The following CNTNAP4 variants were observed in gnomAD, a reference collection of about 807,000 sequenced individuals.
CNTNAP4 encodes contactin associated protein family member 4, also known as contactin-associated protein-like 4.
Under a neutral mutation model 148.4 loss-of-function variants are expected in CNTNAP4, and 98 were observed. That is an observed-to-expected ratio of 0.66 (90% CI 0.56 to 0.78). The LOEUF is 0.78. Among genes scored for constraint, CNTNAP4 ranks in the 30% least tolerant of loss-of-function variants. The pLI is 0.00. For missense variants in CNTNAP4, 1,935 were observed against 1,565.6 expected, an observed-to-expected ratio of 1.24 and a Z score of -3.98; for synonymous variants, 730 against 565.1, an observed-to-expected ratio of 1.29 and a Z score of -4.14.
At chr16:76,408,047 A>G (rs2078659610) in intron 3 of CNTNAP4, among the ~76,000 whole-genome samples, 3 of 151,570 alleles carry the variant, frequency 2.0e-5, no homozygotes. Flanking sequence ...GAAGACTGAG[A>G]TTATGATTAG....
At chr16:76,304,840 AT>A (rs1447840651) in intron 1 of CNTNAP4, among the ~76,000 whole-genome samples, 5 of 152,330 alleles carry the variant, frequency 3.3e-5, no homozygotes, top group Admixed American at 1.3e-4. Context: ...GAGGATGTCC[AT>A]ATCTTAATCC....
intron 1 of CNTNAP4, among the ~76,000 whole-genome samples, chr16:76,290,900 C>T (rs976175272): frequency 6.6e-6 from 1 of 152,176 alleles, no homozygotes; most frequent in Non-Finnish European, 1.5e-5. Context: ...GTAGCCTCTC[C>T]TCCTGACTTG....
intron 1 of CNTNAP4, among the ~76,000 whole-genome samples, chr16:76,313,929 G>A (rs1394254705): frequency 6.6e-6 from 1 of 151,956 alleles, no homozygotes; most frequent in African/African-American, 2.4e-5. Flanking sequence ...TGCAAAAATG[G>A]GAACAACTTA....
chr16:76,440,317 T>C (rs1383947584), intron 4 of CNTNAP4, among the ~76,000 whole-genome samples: 1 of 152,156 alleles, frequency 6.6e-6, no homozygotes, highest in East Asian at 1.9e-4. Context: ...ATTTAAAAAT[T>C]GATTTTCTAA....
chr16:76,494,860 A>G (rs1382997093), intron 13 of CNTNAP4, 50 bp from the exon 14 acceptor site: 1 of 1,542,276 alleles, frequency 6.5e-7, no homozygotes, highest in Admixed American at 1.8e-5. Flanking sequence ...TTGGGAGAGA[A>G]GGTGGTGGAA....
At chr16:76,404,108 G>T (rs7189200) in intron 3 of CNTNAP4, among the ~76,000 whole-genome samples, 1 of 151,682 alleles carries the variant, frequency 6.6e-6, no homozygotes, top group Non-Finnish European at 1.5e-5. Context: ...GGCGTAATAC[G>T]TGGGTAACAA....
At chr16:76,331,035 T>A (rs1426011364) in intron 2 of CNTNAP4, among the ~76,000 whole-genome samples, 3 of 152,190 alleles carry the variant, frequency 2.0e-5, no homozygotes, top group Non-Finnish European at 2.9e-5. Context: ...AATTAACCAT[T>A]GTAAAGTATA....
chr16:76,492,763 C>T (rs1421443378), intron 13 of CNTNAP4, among the ~76,000 whole-genome samples: 1 of 148,230 alleles, frequency 6.7e-6, no homozygotes, highest in Non-Finnish European at 1.5e-5. Context: ...TTTGCCCTTC[C>T]TTGCCTTCTG....
chr16:76,302,809 A>T (rs1237943281), intron 1 of CNTNAP4, among the ~76,000 whole-genome samples: 2 of 142,128 alleles, frequency 1.4e-5, no homozygotes. Context: ...AATTCTGTCC[A>T]CTGAGGGGCT....
At chr16:76,281,351 C>T (rs1958681210) in intron 1 of CNTNAP4, among the ~76,000 whole-genome samples, 1 of 152,198 alleles carries the variant, frequency 6.6e-6, no homozygotes. Context: ...TCAGCACGTA[C>T]TTTGACTCAC....
intron 3 of CNTNAP4, among the ~76,000 whole-genome samples, chr16:76,412,623 C>G (rs2144927439): frequency 6.6e-6 from 1 of 151,382 alleles, no homozygotes; most frequent in East Asian, 1.9e-4. Context: ...TGTCCAATGT[C>G]TAATAAGATT....
At chr16:76,499,952 T>A (rs1373604653) in intron 15 of CNTNAP4, among the ~76,000 whole-genome samples, 1 of 152,144 alleles carries the variant, frequency 6.6e-6, no homozygotes, top group Non-Finnish European at 1.5e-5. Flanking sequence ...CTCCTATGTC[T>A]ACTTCTTTCT....
intron 4 of CNTNAP4, among the ~76,000 whole-genome samples, chr16:76,431,574 G>T (rs1207745099): frequency 1.3e-5 from 2 of 152,156 alleles, no homozygotes; most frequent in Non-Finnish European, 2.9e-5. Flanking sequence ...AGCTACTTGG[G>T]AGGCTGAGAC....
chr16:76,304,203 A>G (rs1484040722), intron 1 of CNTNAP4, among the ~76,000 whole-genome samples: 2 of 152,148 alleles, frequency 1.3e-5, no homozygotes, highest in African/African-American at 2.4e-5. Context: ...TTTAAATAAA[A>G]TGCCTAAGAT....
At chr16:76,414,686 T>C (rs1198300889) in intron 3 of CNTNAP4, among the ~76,000 whole-genome samples, 1 of 151,406 alleles carries the variant, frequency 6.6e-6, no homozygotes, top group Non-Finnish European at 1.5e-5. Context: ...TTTACAATTA[T>C]GCATGTAATC....
intron 3 of CNTNAP4, among the ~76,000 whole-genome samples, chr16:76,383,853 T>C (rs1431965141): frequency 6.6e-6 from 1 of 152,218 alleles, no homozygotes; most frequent in Non-Finnish European, 1.5e-5. Flanking sequence ...AAATTGGTCC[T>C]GAGTTCGTCT....
chr16:76,445,199 C>T (rs1475810362), intron 4 of CNTNAP4, among the ~76,000 whole-genome samples: 1 of 152,104 alleles, frequency 6.6e-6, no homozygotes, highest in Non-Finnish European at 1.5e-5. Context: ...CTCCCTTTGC[C>T]TCCTGTTTCT....
intron 2 of CNTNAP4, among the ~76,000 whole-genome samples, chr16:76,335,508 T>C (rs1039400652): frequency 2.0e-5 from 3 of 151,974 alleles, no homozygotes; most frequent in Non-Finnish European, 4.4e-5. Flanking sequence ...AAGGAGAGTT[T>C]GGAAAGGAAG....
At position 76,339,854 on chromosome 16, in the gene CNTNAP4, C is replaced by T. The variant is rs539640824; in HGVS notation, c.197-15464C>T. Among the ~76,000 whole-genome samples the T allele has an allele frequency of 3.3e-5, 5 of 152,280 alleles. No individual in the cohort carries two copies. In the East Asian group the frequency reaches 9.6e-4, roughly 29 times the overall value. On this transcript the variant is annotated intron_variant, in intron 2 of 23. Coordinates refer to ENST00000611870, the MANE Select transcript of CNTNAP4 (RefSeq NM_033401.5). ...TTCTAATACGAGATTTGATTCTTAGCTATTAATTTAACAAACAAAAGCAAA... is the reference window on the plus strand; with the variant it reads ...TTCTAATACGAGATTTGATTCTTAGTTATTAATTTAACAAACAAAAGCAAA...
Sources: allele counts gnomAD v4.1 joint callset (sites outside exome capture counted in the v4.1 genomes callset), GRCh38; gene constraint gnomAD v4.1.1; transcripts MANE v1.5; gene names NCBI Gene and HGNC (gene_info 2026-07-23, HGNC 2026-07-21).